Variants in C1QTNF1 observed in about 807,000 individuals in gnomAD.
The protein encoded by C1QTNF1 is complement C1q tumor necrosis factor-related protein 1.
Under a neutral mutation model 27.8 loss-of-function variants are expected in C1QTNF1, and 22 were observed. That is an observed-to-expected ratio of 0.79 (90% confidence interval 0.56 to 1.13). The LOEUF (loss-of-function observed/expected upper bound fraction) is 1.13, where lower values mean the gene tolerates loss of function less well. Ranked by LOEUF, C1QTNF1 falls within the 50% of genes most tolerant of loss-of-function variation. The pLI, the probability that C1QTNF1 is intolerant of heterozygous loss-of-function variation, is 0.00. For missense variants in C1QTNF1, 373 were observed against 380.2 expected (o/e 0.98, Z 0.16); for synonymous variants, 166 against 154.3 (o/e 1.08, Z -0.56).
At position 79,047,744 on chromosome 17, in the gene C1QTNF1, G is replaced by A. The variant is rs761985796; in HGVS notation, c.502G>A (p.Asp168Asn). 1.9e-6 allele frequency: 3 copies of A among 1,614,118 alleles called. No individual in the cohort carries two copies. The highest frequency in any genetic ancestry group is 1.7e-6 in the Non-Finnish European group (2 of 1,180,016). Residue 168 changes from aspartate to asparagine, a missense_variant, in exon 4 of 4, where the codon GAC (aspartate) becomes AAC (asparagine). Transcript: ENST00000579760. ...CCACTACTACCAGACGGTGATCTTC[G>A]ACACGGAGTTCGTGAACCTCTACGA... ...SNHYYQTVIF[D>N]TEFVNLYDHF...
chr17:79,031,666 A>T (rs937973659), intron 1 of C1QTNF1, among the ~76,000 whole-genome samples: 1 of 146,254 alleles, frequency 6.8e-6, no homozygotes, highest in Admixed American at 6.8e-5. Flanking sequence ...CTGGTCTTGA[A>T]CTCCTGACCT....
chr17:79,029,480 C>G (rs1002621802), intron 1 of C1QTNF1, among the ~76,000 whole-genome samples: 1 of 152,178 alleles, frequency 6.6e-6, no homozygotes, highest in Non-Finnish European at 1.5e-5. Context: ...AAGGATCAAG[C>G]TCAGTGGTGT....
intron 1 of C1QTNF1, among the ~76,000 whole-genome samples, chr17:79,037,423 C>G (rs1349449884): frequency 6.6e-6 from 1 of 151,656 alleles, no homozygotes; most frequent in Non-Finnish European, 1.5e-5. Flanking sequence ...GCCACTGTGC[C>G]CGGCCAATTT....
At chr17:79,033,829 C>T (rs2072197024) in intron 1 of C1QTNF1, among the ~76,000 whole-genome samples, 2 of 152,160 alleles carry the variant, frequency 1.3e-5, no homozygotes, top group South Asian at 4.1e-4. Flanking sequence ...CAGTGTGGGC[C>T]AAACCCCATG....
At chr17:79,043,563 T>G (rs1355815079) in intron 1 of C1QTNF1, 1 of 433,134 alleles carries the variant, frequency 2.3e-6, no homozygotes, top group African/African-American at 2.0e-5. Context: ...GCATGTGTAT[T>G]GTGTGTACAT....
Position 79,044,094 on chromosome 17 carries a change from G to A in C1QTNF1, c.126G>A (p.Glu42=), listed in dbSNP as rs774551852. The change falls in exon 2 of 4, where the codon GAG becomes GAA. Residue 42 remains glutamate, a synonymous_variant. Transcript: ENST00000579760. ...AGCAGGAGTGGGAGGGGACTGAGGAGCTGCCGTCGCCTCCGGACCATGCCG... is the reference window on the plus strand; with the variant it reads ...AGCAGGAGTGGGAGGGGACTGAGGAACTGCCGTCGCCTCCGGACCATGCCG... ...GEQQEWEGTE[E]LPSPPDHAER... 1.5e-5 allele frequency: 24 copies of A among 1,613,370 alleles called. No individual in the cohort carries two copies. Among genetic ancestry groups the A allele is most frequent in the Non-Finnish European group, 2.0e-5 (24 of 1,179,792 alleles).
intron 1 of C1QTNF1, among the ~76,000 whole-genome samples, chr17:79,041,535 C>T (rs1259980612): frequency 3.9e-5 from 6 of 152,126 alleles, no homozygotes; most frequent in Admixed American, 3.9e-4. Flanking sequence ...CCCAGCACCT[C>T]GGGAGGCCGA....
At chr17:79,034,258 C>CT in intron 1 of C1QTNF1, 2 of 152,596 alleles carry the variant, frequency 1.3e-5, no homozygotes, top group East Asian at 3.9e-4. Flanking sequence ...GCCAGGCCAC[C>CT]TGCAGAGTGG....
intron 1 of C1QTNF1, among the ~76,000 whole-genome samples, chr17:79,026,108 A>G (rs1599273930): frequency 6.6e-6 from 1 of 151,972 alleles, no homozygotes; most frequent in South Asian, 2.1e-4. Context: ...AGAGACAGGG[A>G]TGGAGGACTC....
chr17:79,042,402 A>G (rs893918938), intron 1 of C1QTNF1, among the ~76,000 whole-genome samples: 1 of 152,176 alleles, frequency 6.6e-6, no homozygotes, highest in Non-Finnish European at 1.5e-5. Context: ...CCAATACTGG[A>G]TGGAGGGGGT....
intron 1 of C1QTNF1, among the ~76,000 whole-genome samples, chr17:79,035,695 T>A (rs531992652): frequency 8.5e-5 from 13 of 152,224 alleles, no homozygotes; most frequent in South Asian, 2.1e-4. Flanking sequence ...CCTCCCAAAG[T>A]GCTGGGATTA....
In C1QTNF1 at chr17:79,046,937, G is replaced by A. The variant is rs1391419276; in HGVS notation, c.295+243G>A. On this transcript the variant is annotated intron_variant, in intron 3 of 3. Coordinates refer to ENST00000579760, the MANE Select transcript of C1QTNF1 (RefSeq NM_030968.5). This position sits in a 1 kb window ranked among gnomAD's most constrained non-coding sequence, Gnocchi z 4.8. Reference sequence around the variant, plus strand: ...CACAGGACCAAGAGCAGGAGAGGGAGCCCAGAGGCTACTCGGGGTCTCGTC... The same window carrying A: ...CACAGGACCAAGAGCAGGAGAGGGAACCCAGAGGCTACTCGGGGTCTCGTC... 2 of 552,156 alleles carry A rather than the reference G, an allele frequency of 3.6e-6. No individual in the cohort carries two copies. Among genetic ancestry groups the A allele is most frequent in the Non-Finnish European group, 6.4e-6 (2 of 314,878 alleles). 34.2% of individuals were successfully genotyped at this position (552,156 alleles called of 1,614,324 possible).
At chr17:79,032,710 A>G (rs1355932938) in intron 1 of C1QTNF1, among the ~76,000 whole-genome samples, 1 of 152,118 alleles carries the variant, frequency 6.6e-6, no homozygotes, top group East Asian at 1.9e-4. Context: ...AAGCCACAGG[A>G]GGAGAAGCTA....
At chr17:79,044,190 G>A (rs2072506141) in intron 2 of C1QTNF1, 67 bp downstream of exon 2, 1 of 1,463,462 alleles carries the variant, frequency 6.8e-7, no homozygotes, top group South Asian at 1.4e-5. Flanking sequence ...GGGCCTTGGG[G>A]CCCCTGGGGG....
At chr17:79,032,387 C>T (rs1012103044) in intron 1 of C1QTNF1, among the ~76,000 whole-genome samples, 2 of 152,250 alleles carry the variant, frequency 1.3e-5, no homozygotes, top group Non-Finnish European at 2.9e-5. Flanking sequence ...AAGGGACTCA[C>T]GCGGGGTGGG....
In C1QTNF1 at chr17:79,046,607, G is replaced by C. The variant is rs2072580031; in HGVS notation, c.208G>C (p.Ala70Pro). Residue 70 changes from alanine to proline, a missense_variant, in exon 3 of 4, where the codon GCT becomes CCT. Coordinates refer to ENST00000579760, the MANE Select transcript of C1QTNF1 (RefSeq NM_030968.5). This position sits in a 1 kb window ranked among gnomAD's most constrained non-coding sequence, Gnocchi z 4.8. ...GCCCAGTCAGGACCAGGGGCTCCCT[G>C]CTTCCCGGTGCTTGCGCTGCTGTGA... The part of the protein sequence containing the change: ...YRPSQDQGLP[A>P]SRCLRCCDPG... 3.1e-6 allele frequency: 5 copies of C among 1,614,244 alleles called. No individual in the cohort carries two copies. The East Asian group carries it at 1.1e-4, about 36-fold the overall frequency.
chr17:79,027,523 G>A, intron 1 of C1QTNF1: 1 of 152,312 alleles, frequency 6.6e-6, no homozygotes, highest in East Asian at 1.9e-4. Context: ...CTATGCTGGG[G>A]TCCTTGGCCT....
rs2072691320 is a variant in C1QTNF1, at chr17:79,049,279, T to C, written c.*1191T>C. The C allele has an allele frequency of 1.3e-5, 2 of 152,264 alleles. No individual in the cohort carries two copies. The highest frequency in any genetic ancestry group is 6.5e-5 in the Admixed American group (1 of 15,280). 9.4% of individuals were successfully genotyped at this position (152,264 alleles called of 1,614,324 possible). ...CGCTTGTCTGTTTCTCAGGCTCCTG[T>C]GAGCCTCAGTCCTGAGACCAGAGTC... On this transcript the variant is annotated 3_prime_UTR_variant, in exon 4 of 4. Coordinates refer to ENST00000579760, the MANE Select transcript of C1QTNF1 (RefSeq NM_030968.5). The surrounding 1 kb of genome is among the most constrained non-coding windows in gnomAD (Gnocchi z 4.4).
intron 1 of C1QTNF1, among the ~76,000 whole-genome samples, chr17:79,039,382 G>T (rs2072342568): frequency 6.6e-6 from 1 of 152,206 alleles, no homozygotes; most frequent in Non-Finnish European, 1.5e-5. Flanking sequence ...TGGCGCGGTG[G>T]CAAACGCCCG....
Sources: gnomAD v4.1 joint callset for allele counts (sites outside exome capture counted in the v4.1 genomes callset) on GRCh38, gnomAD v4.1.1 for gene constraint, Gnocchi (gnomAD v3.1) non-coding constraint, MANE v1.5 for transcripts, NCBI Gene and HGNC (gene_info 2026-07-23, HGNC 2026-07-21) for gene names.